ALKBH2: variants seen among roughly 807,000 people sequenced by gnomAD.
ALKBH2 encodes the protein DNA oxidative demethylase ALKBH2.
In ALKBH2, 19 loss-of-function variants were observed where a neutral mutation model predicts 19.7. The ratio of observed to expected loss-of-function variants is 0.97; its 90% CI spans 0.67 to 1.42. The LOEUF is 1.42. Ranked by LOEUF, ALKBH2 falls within the 40% of genes most tolerant of loss-of-function variation. The pLI, the probability that ALKBH2 is intolerant of heterozygous loss-of-function variation, is 0.00. For missense variants in ALKBH2, 310 were observed against 328.5 expected (o/e 0.94, Z 0.43); for synonymous variants, 135 against 131.2 (o/e 1.03, Z -0.20).
Position 109,089,645 on chromosome 12 carries a change from C to T in ALKBH2, c.479+364G>A, listed in dbSNP as rs560949132. The T allele has an allele frequency of 9.4e-4, 263 of 280,414 alleles. 5 individuals are homozygous for T. In the South Asian group the frequency reaches 9.5e-3, roughly 10 times the overall value. 17.4% of individuals were successfully genotyped at this position (280,414 alleles called of 1,614,324 possible). On this transcript the variant is annotated intron_variant, in intron 3 of 3. Coordinates refer to ENST00000429722, the MANE Select transcript of ALKBH2 (RefSeq NM_001145374.2). ...GAAATCGTCTAGGGTCAGGCATAGTCGTTCACGCCTGTAATCCCAGCACTT... is the reference window on the plus strand; with the variant it reads ...GAAATCGTCTAGGGTCAGGCATAGTTGTTCACGCCTGTAATCCCAGCACTT...
At position 109,092,733 on chromosome 12, in the gene ALKBH2, C is replaced by A; in HGVS notation, c.54G>T (p.Glu18Asp). 1 of 1,614,108 alleles carries A rather than the reference C, an allele frequency of 6.2e-7. No homozygotes were observed. Among genetic ancestry groups the A allele is most frequent in the Non-Finnish European group, 8.5e-7 (1 of 1,180,004 alleles). ...GCTCTTCTCCAGTTGGCTCTTGCTC[C>A]TCCTGCTTCCTCAAAAGGCCCCCTT... ...GAQGGLLRKQ[E>D]EQEPTGEEPA... The change falls in exon 2 of 4, where the codon GAG becomes GAT. Residue 18 changes from glutamate (E) to aspartate (D), a missense_variant. Coordinates refer to ENST00000429722, the MANE Select transcript of ALKBH2 (RefSeq NM_001145374.2).
At chr12:109,092,409 A>G (rs1304225214) in intron 2 of ALKBH2, 98 bp downstream of exon 2, 3 of 1,419,548 alleles carry the variant, frequency 2.1e-6, no homozygotes, top group Non-Finnish European at 2.8e-6. Context: ...TCAGTAAATA[A>G]TGGATCCTGA....
At position 109,090,182 on chromosome 12, in the gene ALKBH2, G is replaced by A. The variant is rs565342906; in HGVS notation, c.306C>T (p.Phe102=). Residue 102 remains phenylalanine, a synonymous_variant, in exon 3 of 4, where the codon TTC becomes TTT. Transcript: ENST00000429722. ...TCCTGGGCACACTGTGCCACTTCCC[G>A]AATACCTGGACTCTGGCCAGTGCTC... ...FTGALARVQV[F]GKWHSVPRKQ... is the part of the protein sequence containing the mutation. 3.5e-5 allele frequency: 56 copies of A among 1,613,820 alleles called. No homozygotes were observed. The highest frequency in any genetic ancestry group is 1.8e-4 in the Admixed American group (11 of 60,004).
intron 2 of ALKBH2, among the ~76,000 whole-genome samples, chr12:109,090,697 G>A (rs916484405): frequency 1.1e-4 from 17 of 152,112 alleles, no homozygotes; most frequent in Non-Finnish European, 2.5e-4. Context: ...CACCATGCCC[G>A]GCTAACTTTT....
At position 109,092,623 on chromosome 12, in the gene ALKBH2, G is replaced by A; in HGVS notation, c.164C>T (p.Pro55Leu). ...APGNGGHSAG[P>L]SWRHIRAEGL... Reference sequence around the variant, plus strand: ...CTCAGCCCGAATGTGCCGCCAGCTAGGGCCTGCTGAGTGGCCTCCATTCCC... The same window carrying A: ...CTCAGCCCGAATGTGCCGCCAGCTAAGGCCTGCTGAGTGGCCTCCATTCCC... The change falls in exon 2 of 4, where the codon CCT becomes CTT. Residue 55 changes from proline to leucine, a missense_variant. By Grantham distance (98) the Pro-to-Leu change is moderately conservative (BLOSUM62 -3). Transcript: ENST00000429722. 6.2e-7 allele frequency: 1 copy of A among 1,614,214 alleles called. No homozygotes were observed. The highest frequency in any genetic ancestry group is 1.6e-4 in the Middle Eastern group (1 of 6,062).
At chr12:109,092,481 A>ACC (rs749889817) in intron 2 of ALKBH2, 26 bp downstream of exon 2, 23 of 1,532,664 alleles carry the variant, frequency 1.5e-5, no homozygotes, top group Admixed American at 4.0e-5. Context: ...ATGCACACAC[A>ACC]CACACACACA....
rs1208797429 is a variant in ALKBH2 at position 109,090,251 on chromosome 12, T to C, written c.281-44A>G. The C allele has an allele frequency of 4.4e-6, 7 of 1,579,616 alleles. No individual in the cohort carries two copies. The South Asian group carries it at 6.7e-5, about 15-fold the overall frequency. ...GCAGTTCCTTTCTACCTGACCCCCA[T>C]CTAGAAATCCAGATGCCCCCCCCAA... On this transcript the variant is annotated intron_variant, in intron 2 of 3. Coordinates refer to ENST00000429722, the MANE Select transcript of ALKBH2 (RefSeq NM_001145374.2).
rs141772515 is a variant in ALKBH2 at position 109,091,607 on chromosome 12, G to A, written c.280+900C>T. On this transcript the variant is annotated intron_variant, in intron 2 of 3. Coordinates refer to ENST00000429722, the MANE Select transcript of ALKBH2 (RefSeq NM_001145374.2). ...GGCTGGAGTGCAGTGGTGCGATCTC[G>A]GCTCACTGCAACCTCTGCCTCCCGG... Among the ~76,000 whole-genome samples the A allele has an allele frequency of 2.7e-3, 414 of 152,104 alleles. 1 individual carries two copies. Among genetic ancestry groups the A allele is most frequent in the African/African-American group, 9.2e-3 (382 of 41,476 alleles).
At chr12:109,090,275 A>C (rs981202695) in intron 2 of ALKBH2, 68 bp from the exon 3 acceptor site, 1 of 1,402,366 alleles carries the variant, frequency 7.1e-7, no homozygotes, top group Non-Finnish European at 9.9e-7. Context: ...TGCCCCCCCC[A>C]ACCCGCACTG....
intron 2 of ALKBH2, among the ~76,000 whole-genome samples, chr12:109,090,713 A>AT (rs904190664): frequency 2.0e-5 from 3 of 151,866 alleles, no homozygotes; most frequent in Non-Finnish European, 2.9e-5. Context: ...CTTTTTTTGT[A>AT]TTTTTTTGTA....
At chr12:109,089,410 G>A (rs34516207) in intron 3 of ALKBH2, among the ~76,000 whole-genome samples, 1,897 of 152,258 alleles carry the variant, frequency 0.012, 18 homozygotes, top group African/African-American at 0.021. Flanking sequence ...GTATTGGGGG[G>A]TGGGGGACAC....
rs1566116288 is a variant in ALKBH2 at position 109,092,496 on chromosome 12, C to T, written c.280+11G>A. The stretch of plus-strand genomic sequence containing the variant: ...ATGCACACACACACACACACACACC[C>T]CTCTGCTTACCTGTAAAATATTCTA... On this transcript the variant is annotated intron_variant, in intron 2 of 3. Transcript: ENST00000429722. The T allele has an allele frequency of 6.4e-7, 1 of 1,557,702 alleles. No individual in the cohort carries two copies. Among genetic ancestry groups the T allele is most frequent in the African/African-American group, 1.4e-5 (1 of 73,818 alleles).
In ALKBH2 at chr12:109,088,590, C is replaced by T. The variant is rs181589695; in HGVS notation, c.480-78G>A. ...ACCAGCACCGCCAGCCCTCGTTTTC[C>T]TCACAGTGTGAAACAGCACTCTGCA... is the stretch of plus-strand genomic sequence containing the variant. On this transcript the variant is annotated intron_variant, in intron 3 of 3. Transcript: ENST00000429722. The surrounding 1 kb of genome is among the most constrained non-coding windows in gnomAD (Gnocchi z 4.2). 1.5e-3 allele frequency: 2,122 copies of T among 1,401,874 alleles called. 3 individuals are homozygous for T. Among genetic ancestry groups the T allele is most frequent in the Non-Finnish European group, 1.9e-3 (1,926 of 1,030,344 alleles). The allele number at this position is 1,401,874 out of a possible 1,614,324, so 86.8% of individuals were successfully genotyped here.
chr12:109,089,920 C>T, intron 3 of ALKBH2, 89 bp downstream of exon 3: 1 of 1,430,076 alleles, frequency 7.0e-7, no homozygotes, highest in South Asian at 1.2e-5. Context: ...TGATTTGTAC[C>T]AATGAACCAA....
At chr12:109,092,982 G>A (rs1411691053) in intron 1 of ALKBH2, 45 bp from the exon 2 acceptor site, 3 of 1,371,282 alleles carry the variant, frequency 2.2e-6, no homozygotes, top group South Asian at 3.3e-5. Context: ...GGACCCTAGG[G>A]ACAATCTGAT....
In ALKBH2 at chr12:109,088,340, G is replaced by GCGGCAGCCTGACCAC; in HGVS notation, c.637_651dup (p.Val213_Pro217dup). 6.2e-7 allele frequency: 1 copy of GCGGCAGCCTGACCAC among 1,614,102 alleles called. No individual in the cohort carries two copies. The highest frequency in any genetic ancestry group is 8.5e-7 in the Non-Finnish European group (1 of 1,180,018). The stretch of plus-strand genomic sequence containing the variant: ...ATCATTAGTAAGCTCCCGTGGGCCA[G>GCGGCAGCCTGACCAC]CGGCAGCCTGACCACCGCCACCCTC... On this transcript the variant is annotated inframe_insertion, in exon 4 of 4. Transcript: ENST00000429722. This position sits in a 1 kb window ranked among gnomAD's most constrained non-coding sequence, Gnocchi z 4.2.
At chr12:109,091,014 T>C (rs985623432) in intron 2 of ALKBH2, among the ~76,000 whole-genome samples, 16 of 152,202 alleles carry the variant, frequency 1.1e-4, no homozygotes, top group Admixed American at 9.8e-4. Context: ...CTAGGATAGC[T>C]TGTCAACTGT....
chr12:109,090,924 A>T lies in ALKBH2; in HGVS notation c.281-717T>A, dbSNP rs112463608. 3.9e-3 allele frequency among the ~76,000 whole-genome samples: 601 copies of T among 152,264 alleles called. 2 individuals are homozygous for T. The highest frequency in any genetic ancestry group is 5.9e-3 in the Non-Finnish European group (403 of 68,006). On this transcript the variant is annotated intron_variant, in intron 2 of 3. Coordinates refer to ENST00000429722, the MANE Select transcript of ALKBH2 (RefSeq NM_001145374.2). The stretch of plus-strand genomic sequence containing the variant: ...GTCCTGGGCCATTTTTTTAGTGAAC[A>T]CTGTAACTTAACTGCCTTAACTACA...
Position 109,092,823 on chromosome 12 carries a change from G to A in ALKBH2, c.-37C>T. 2 of 1,563,668 alleles carry A rather than the reference G, an allele frequency of 1.3e-6. No homozygotes were observed. Among genetic ancestry groups the A allele is most frequent in the Non-Finnish European group, 1.7e-6 (2 of 1,158,144 alleles). On this transcript the variant is annotated 5_prime_UTR_variant, in exon 2 of 4. Coordinates refer to ENST00000429722, the MANE Select transcript of ALKBH2 (RefSeq NM_001145374.2). ...AGGAAAGAAGGGACGTCAGTGGCGA[G>A]GCCAAGACAGAAATTGCTCAAGTTC...
Sources: gnomAD v4.1 joint callset for allele counts (sites outside exome capture counted in the v4.1 genomes callset) on GRCh38, gnomAD v4.1.1 for gene constraint, Gnocchi (gnomAD v3.1) non-coding constraint, MANE v1.5 for transcripts, NCBI Gene and HGNC (gene_info 2026-07-23, HGNC 2026-07-21) for gene names.